Variants in ROBO2 observed in about 807,000 individuals in gnomAD.
The protein encoded by ROBO2 is roundabout homolog 2.
ROBO2 carries 53 observed loss-of-function variants against 160.8 expected under a neutral mutation model. The observed-to-expected ratio is 0.33, with a 90% confidence interval of 0.26 to 0.41. The LOEUF (loss-of-function observed/expected upper bound fraction) is 0.41. ROBO2 is among the 10% of genes least tolerant of loss of function. ROBO2 has a pLI of 1.00. For missense variants in ROBO2, 1,577 were observed against 1,722.4 expected (o/e 0.92, Z 1.49); for synonymous variants, 664 against 611.7 (o/e 1.09, Z -1.26).
chr3:76,615,354 C>A (rs2088497376), intron 2 of ROBO2, among the ~76,000 whole-genome samples: 1 of 152,098 alleles, frequency 6.6e-6, no homozygotes, highest in Non-Finnish European at 1.5e-5. Context: ...GTCACTACTG[C>A]ACATCAATTC....
intron 2 of ROBO2, among the ~76,000 whole-genome samples, chr3:76,124,478 G>A (rs1193651951): frequency 6.6e-6 from 1 of 152,056 alleles, no homozygotes; most frequent in East Asian, 1.9e-4. Context: ...CCATTAATTA[G>A]TGACCAGAAC....
chr3:77,481,206 G>GCTGA lies in ROBO2; in HGVS notation c.658_661dup (p.Val221AspfsTer4), dbSNP rs2084650622. On this transcript the variant is annotated frameshift_variant, in exon 4 of 26. Coordinates refer to ENST00000461745, the Ensembl canonical transcript of ROBO2. LOFTEE classifies it high-confidence loss of function. Reference sequence around the variant, plus strand: ...GAGAAAGGGACAGTGACCCAGCAGAGCTGACTGTCTTTGGTAAAACTTTCT... The same window carrying GCTGA: ...GAGAAAGGGACAGTGACCCAGCAGAGCTGACTGACTGTCTTTGGTAAAACTTTCT... 1 of 1,559,332 alleles carries GCTGA rather than the reference G, an allele frequency of 6.4e-7. No individual in the cohort carries two copies. The highest frequency in any genetic ancestry group is 8.6e-7 in the Non-Finnish European group (1 of 1,156,398).
chr3:76,224,553 A>G (rs909535973), intron 2 of ROBO2, among the ~76,000 whole-genome samples: 3 of 152,210 alleles, frequency 2.0e-5, no homozygotes, highest in African/African-American at 4.8e-5. Context: ...TACTGATTCA[A>G]TTGATAAGCT....
At chr3:76,826,213 T>C (rs560983146) in intron 2 of ROBO2, among the ~76,000 whole-genome samples, 2 of 152,234 alleles carry the variant, frequency 1.3e-5, no homozygotes, top group African/African-American at 4.8e-5. Context: ...CCTGCCAGCA[T>C]TGGAAATTTG....
At chr3:76,379,353 A>T (rs1297612940) in intron 2 of ROBO2, among the ~76,000 whole-genome samples, 1 of 152,160 alleles carries the variant, frequency 6.6e-6, no homozygotes, top group East Asian at 1.9e-4. Context: ...TCAATAAAAA[A>T]TATTTAAAAA....
intron 2 of ROBO2, among the ~76,000 whole-genome samples, chr3:76,227,054 A>G (rs1704331440): frequency 6.6e-6 from 1 of 152,192 alleles, no homozygotes; most frequent in Admixed American, 6.5e-5. Context: ...TTTCTTTCAA[A>G]TTTAGTGTCC....
At chr3:77,415,505 A>C (rs2153526820) in intron 2 of ROBO2, among the ~76,000 whole-genome samples, 1 of 152,326 alleles carries the variant, frequency 6.6e-6, no homozygotes, top group South Asian at 2.1e-4. Flanking sequence ...GGGCGCTTTC[A>C]GCTCCACTTC....
At chr3:76,272,659 T>A (rs1033012305) in intron 2 of ROBO2, among the ~76,000 whole-genome samples, 5 of 73,520 alleles carry the variant, frequency 6.8e-5, no homozygotes, top group Non-Finnish European at 1.8e-4. Flanking sequence ...CGAGACCCTG[T>A]CTAAAATACA....
At chr3:76,274,180 A>G (rs1406401804) in intron 2 of ROBO2, among the ~76,000 whole-genome samples, 3 of 152,200 alleles carry the variant, frequency 2.0e-5, no homozygotes, top group Non-Finnish European at 4.4e-5. Flanking sequence ...ATTAACATAG[A>G]TTAACTATTA....
In ROBO2 at chr3:76,369,932, C is replaced by A. The variant is rs1458720848; in HGVS notation, c.109+432330C>A. 2.0e-5 allele frequency among the ~76,000 whole-genome samples: 3 copies of A among 151,964 alleles called. No homozygotes were observed. The East Asian group carries it at 5.8e-4, about 29-fold the overall frequency. ...GAACTCTGAACACGTGACAGTAACA[C>A]CACTATGCTTCACAACTTTCAATGT... On this transcript the variant is annotated intron_variant, in intron 2 of 26. Coordinates refer to the ROBO2 transcript ENST00000487694.
rs2079404367 is a variant in ROBO2, at chr3:76,484,842, C to T, written c.109+547240C>T. Among the ~76,000 whole-genome samples the T allele has an allele frequency of 2.0e-5, 3 of 152,110 alleles. No homozygotes were observed. In the South Asian group the frequency reaches 6.2e-4, roughly 31 times the overall value. ...TAAAAAAGAATAAAAGGAGAATTTT[C>T]TACATAAAAAAGTTACTAATATTGA... is the stretch of plus-strand genomic sequence containing the variant. On this transcript the variant is annotated intron_variant, in intron 2 of 26. Coordinates refer to the ROBO2 transcript ENST00000487694.
chr3:76,975,398 G>A (rs534975759), intron 2 of ROBO2, among the ~76,000 whole-genome samples: 55 of 152,234 alleles, frequency 3.6e-4, no homozygotes, highest in African/African-American at 1.3e-3. Context: ...CCAGCTACTT[G>A]GGAGGCTGAG....
At position 76,530,225 on chromosome 3, in the gene ROBO2, G is replaced by A. The variant is rs150498987; in HGVS notation, c.110-567789G>A. Among the ~76,000 whole-genome samples the A allele has an allele frequency of 6.5e-3, 989 of 152,270 alleles. 4 individuals carry two copies. Among genetic ancestry groups the A allele is most frequent in the Non-Finnish European group, 8.5e-3 (581 of 68,026 alleles). ...TGGTGGCGATTCTTTAAAGATGTAG[G>A]ATTTCTTACAAAGTAATTTCCCCCT... On this transcript the variant is annotated intron_variant, in intron 2 of 26. Transcript: ENST00000487694.
At chr3:76,771,027 T>G (rs912886731) in intron 2 of ROBO2, among the ~76,000 whole-genome samples, 2 of 151,330 alleles carry the variant, frequency 1.3e-5, no homozygotes, top group African/African-American at 4.8e-5. Flanking sequence ...TTTTCTACCT[T>G]TGCACATCTA....
At chr3:76,468,125 C>T (rs1201735570) in intron 2 of ROBO2, among the ~76,000 whole-genome samples, 2 of 152,028 alleles carry the variant, frequency 1.3e-5, no homozygotes, top group Non-Finnish European at 1.5e-5. Flanking sequence ...CTCACTTATT[C>T]CTATCATACA....
intron 2 of ROBO2, among the ~76,000 whole-genome samples, chr3:76,223,977 G>A (rs1704134570): frequency 6.6e-6 from 1 of 152,156 alleles, no homozygotes; most frequent in Non-Finnish European, 1.5e-5. Context: ...TCTAAAAATA[G>A]TTCCTGCCAT....
intron 2 of ROBO2, among the ~76,000 whole-genome samples, chr3:76,742,764 A>G (rs1376591912): frequency 1.3e-5 from 2 of 152,010 alleles, no homozygotes; most frequent in African/African-American, 4.8e-5. Context: ...ACAAAAAAAT[A>G]TGATTAGGAA....
chr3:76,317,393 G>A (rs1016009895), intron 2 of ROBO2, among the ~76,000 whole-genome samples: 1 of 152,030 alleles, frequency 6.6e-6, no homozygotes, highest in African/African-American at 2.4e-5. Context: ...AAAATTTGAA[G>A]GTATTTTATA....
At chr3:77,258,388 C>A (rs930181165) in intron 2 of ROBO2, among the ~76,000 whole-genome samples, 1 of 152,070 alleles carries the variant, frequency 6.6e-6, no homozygotes, top group East Asian at 1.9e-4. Flanking sequence ...ATTGTATATT[C>A]CTCCCCAATA....
Sources: allele counts gnomAD v4.1 joint callset (sites outside exome capture counted in the v4.1 genomes callset), GRCh38; gene constraint gnomAD v4.1.1; transcripts MANE v1.5; gene names NCBI Gene and HGNC (gene_info 2026-07-23, HGNC 2026-07-21).